FBXL17: variants seen among roughly 807,000 people sequenced by gnomAD.
FBXL17 encodes F-box and leucine rich repeat protein 17.
A neutral mutation model predicts 66.2 loss-of-function variants in FBXL17; 22 were observed. The ratio of observed to expected loss-of-function variants is 0.33; its 90% CI spans 0.24 to 0.47. The LOEUF (loss-of-function observed/expected upper bound fraction) is 0.47. FBXL17 is among the 20% of genes least tolerant of loss of function. FBXL17 has a pLI of 1.00. For synonymous variants in FBXL17, 474 were observed against 400.5 expected (o/e 1.18, Z -2.19); for missense variants, 878 against 948.2 (o/e 0.93, Z 0.97).
At chr5:108,075,270 C>T (rs574147057) in intron 6 of FBXL17, among the ~76,000 whole-genome samples, 7 of 152,276 alleles carry the variant, frequency 4.6e-5, no homozygotes, top group African/African-American at 1.7e-4. Context: ...ATGGTAAATT[C>T]CTGTGATTTT....
chr5:108,277,809 AT>A (rs1757543511), intron 4 of FBXL17, among the ~76,000 whole-genome samples: 1 of 152,252 alleles, frequency 6.6e-6, no homozygotes, highest in South Asian at 2.1e-4. Context: ...TCCAGTGCAT[AT>A]AAAAGGTGTG....
At chr5:108,188,682 C>A (rs961256292) in intron 5 of FBXL17, among the ~76,000 whole-genome samples, 2 of 152,144 alleles carry the variant, frequency 1.3e-5, no homozygotes, top group African/African-American at 4.8e-5. Context: ...CCAGTCAGAA[C>A]CTTGGTCAAC....
intron 3 of FBXL17, among the ~76,000 whole-genome samples, chr5:108,355,853 T>C (rs1747951291): frequency 6.6e-6 from 1 of 152,024 alleles, no homozygotes; most frequent in Non-Finnish European, 1.5e-5. Flanking sequence ...ATAGTAAACA[T>C]TAACGGATAT....
At chr5:107,887,203 G>C (rs149564022) in intron 7 of FBXL17, among the ~76,000 whole-genome samples, 304 of 152,278 alleles carry the variant, frequency 2.0e-3, no homozygotes, top group African/African-American at 7.0e-3. Context: ...ATTCTAAAAT[G>C]ATTTCAAAAC....
intron 8 of FBXL17, chr5:107,879,414 TA>T: frequency 2.0e-6 from 2 of 985,408 alleles, no homozygotes; most frequent in South Asian, 4.7e-5. Flanking sequence ...GCAGCGGCAT[TA>T]GGTTGGTTAG....
At chr5:108,172,604 T>A (rs1561446517) in intron 6 of FBXL17, among the ~76,000 whole-genome samples, 2 of 152,198 alleles carry the variant, frequency 1.3e-5, no homozygotes. Context: ...CAACATGAAG[T>A]AATATTACTC....
At chr5:108,185,900 C>T (rs187616497) in intron 6 of FBXL17, among the ~76,000 whole-genome samples, 35 of 152,126 alleles carry the variant, frequency 2.3e-4, no homozygotes, top group Admixed American at 2.1e-3. Context: ...ATTGTTGAGG[C>T]AAATATTTGT....
intron 1 of FBXL17, among the ~76,000 whole-genome samples, chr5:108,372,206 C>T (rs1341672630): frequency 3.3e-5 from 5 of 152,054 alleles, no homozygotes; most frequent in Admixed American, 6.5e-5. Flanking sequence ...TGAACCTCTA[C>T]AAGAAGAAAG....
chr5:108,199,257 T>C (rs927875516), intron 5 of FBXL17, among the ~76,000 whole-genome samples: 2 of 152,148 alleles, frequency 1.3e-5, no homozygotes, highest in African/African-American at 2.4e-5. Context: ...CAGGATAACA[T>C]GAATTGTCTT....
intron 2 of FBXL17, 145 bp from the exon 3 acceptor site, chr5:108,365,140 T>C (rs920231745): frequency 9.9e-6 from 6 of 607,934 alleles, no homozygotes; most frequent in African/African-American, 7.4e-5. Flanking sequence ...CGTCTTAACA[T>C]TGAAGCATAA....
intron 5 of FBXL17, among the ~76,000 whole-genome samples, chr5:108,201,302 G>A (rs1050277045): frequency 5.9e-5 from 9 of 152,082 alleles, no homozygotes; most frequent in Non-Finnish European, 8.8e-5. Flanking sequence ...AACAACTGGC[G>A]CAGTGTGAAT....
chr5:108,012,968 C>G (rs745481807), intron 7 of FBXL17, among the ~76,000 whole-genome samples: 1 of 141,588 alleles, frequency 7.1e-6, no homozygotes, highest in African/African-American at 2.6e-5. Flanking sequence ...CAGCCAAGAT[C>G]GCACCATTGC....
chr5:107,883,473 G>T (rs1010872293), intron 7 of FBXL17, among the ~76,000 whole-genome samples: 4 of 151,986 alleles, frequency 2.6e-5, no homozygotes, highest in South Asian at 2.1e-4. Flanking sequence ...TGGAGGTGGG[G>T]GGTGGGTGCG....
chr5:108,131,979 CT>C (rs35305637), intron 6 of FBXL17, among the ~76,000 whole-genome samples: 43,123 of 143,012 alleles, frequency 0.3, 7,067 homozygotes, highest in Admixed American at 0.4. Flanking sequence ...GAAGAAAGTC[CT>C]TTTTTTTTTT....
chr5:108,276,984 T>A (rs1211786673), intron 4 of FBXL17, among the ~76,000 whole-genome samples: 1 of 152,068 alleles, frequency 6.6e-6, no homozygotes, highest in African/African-American at 2.4e-5. Context: ...ACTTCAGACA[T>A]CTTTATGTGA....
At chr5:108,350,616 G>A (rs1747581783) in intron 3 of FBXL17, among the ~76,000 whole-genome samples, 3 of 152,078 alleles carry the variant, frequency 2.0e-5, no homozygotes, top group Admixed American at 2.0e-4. Context: ...TTCATAGAAA[G>A]GATTAGGATG....
At chr5:107,940,322 A>G (rs982638653) in intron 7 of FBXL17, among the ~76,000 whole-genome samples, 2 of 152,102 alleles carry the variant, frequency 1.3e-5, no homozygotes. Flanking sequence ...TACAAAGAAA[A>G]GTAAGGCCTG....
intron 1 of FBXL17, among the ~76,000 whole-genome samples, chr5:108,379,178 TG>T (rs1270616377): frequency 3.3e-5 from 5 of 152,208 alleles, no homozygotes. Flanking sequence ...GGCATTAAAA[TG>T]TTTTTTACCT....
intron 7 of FBXL17, among the ~76,000 whole-genome samples, chr5:108,008,722 T>A (rs1379574210): frequency 2.6e-5 from 4 of 152,106 alleles, no homozygotes; most frequent in Non-Finnish European, 5.9e-5. Flanking sequence ...TGGTTGTGAG[T>A]TGCTCCCTAT....
Sources: allele counts gnomAD v4.1 joint callset (sites outside exome capture counted in the v4.1 genomes callset), GRCh38; gene constraint gnomAD v4.1.1; transcripts MANE v1.5; gene names NCBI Gene and HGNC (gene_info 2026-07-23, HGNC 2026-07-21).